HIVEP3: variants seen among roughly 807,000 people sequenced by gnomAD.
The protein encoded by HIVEP3 is HIVEP zinc finger 3.
In HIVEP3, 49 loss-of-function variants were observed where a neutral mutation model predicts 152.8. The ratio of observed to expected loss-of-function variants is 0.32; its 90% CI spans 0.26 to 0.41. HIVEP3 has a LOEUF of 0.41. Ranked by LOEUF, HIVEP3 falls within the 10% of genes least tolerant of loss-of-function variation. HIVEP3 has a pLI of 1.00. For synonymous variants in HIVEP3, 1,269 were observed against 1,289.0 expected (o/e 0.98, Z 0.33); for missense variants, 2,790 against 3,103.3 (o/e 0.90, Z 2.40).
At chr1:42,029,463 G>C (rs113202792) in intron 1 of HIVEP3, among the ~76,000 whole-genome samples, 3 of 152,230 alleles carry the variant, frequency 2.0e-5, no homozygotes, top group African/African-American at 7.2e-5. Context: ...TACCTAGAAG[G>C]GTTCTTGGGA....
chr1:41,591,547 G>A (rs775692945), intron 3 of HIVEP3, among the ~76,000 whole-genome samples: 1 of 151,902 alleles, frequency 6.6e-6, no homozygotes, highest in Non-Finnish European at 1.5e-5. Context: ...GATAATCATG[G>A]ATGAAAATCA....
At chr1:41,744,355 A>G (rs560505974) in intron 1 of HIVEP3, among the ~76,000 whole-genome samples, 217 of 152,320 alleles carry the variant, frequency 1.4e-3, no homozygotes, top group African/African-American at 5.1e-3. Context: ...GCCTTTTAAA[A>G]TTTATGTCAC....
chr1:42,017,463 G>A (rs940309979), intron 1 of HIVEP3, among the ~76,000 whole-genome samples: 3 of 151,930 alleles, frequency 2.0e-5, no homozygotes, highest in East Asian at 1.9e-4. Flanking sequence ...CTTAATTCCC[G>A]CTTCTAGTCA....
chr1:41,558,738 T>C (rs375757116), intron 5 of HIVEP3, among the ~76,000 whole-genome samples: 5 of 152,198 alleles, frequency 3.3e-5, no homozygotes, highest in African/African-American at 1.2e-4. Context: ...GTGCCCAGCC[T>C]ACCCTTGGCT....
chr1:41,589,111 C>T (rs10493101), intron 3 of HIVEP3, among the ~76,000 whole-genome samples: 1,925 of 152,276 alleles, frequency 0.013, 53 homozygotes, highest in African/African-American at 0.043. Context: ...TTAACACAAA[C>T]TTGAAGTGAT....
upstream of HIVEP3, among the ~76,000 whole-genome samples, chr1:41,920,588 TTTG>T (rs1553134914): frequency 7.2e-6 from 1 of 139,376 alleles, no homozygotes; most frequent in South Asian, 2.3e-4. Context: ...TTTTTTTTTT[TTTG>T]TTTTGTTTTT....
chr1:41,927,458 A>T (rs1322190272), intron 1 of HIVEP3, among the ~76,000 whole-genome samples: 1 of 152,216 alleles, frequency 6.6e-6, no homozygotes, highest in East Asian at 1.9e-4. Context: ...ATAGTGAATA[A>T]ACACCCCAAA....
intron 1 of HIVEP3, among the ~76,000 whole-genome samples, chr1:41,900,378 T>C (rs138152028): frequency 3.9e-5 from 6 of 152,208 alleles, no homozygotes; most frequent in Admixed American, 3.9e-4. Flanking sequence ...TATTCTCACA[T>C]CCAGTGGAGG....
At chr1:41,531,248 CA>C (rs946828708) in intron 5 of HIVEP3, among the ~76,000 whole-genome samples, 2 of 94,266 alleles carry the variant, frequency 2.1e-5, no homozygotes, top group African/African-American at 3.6e-5. Context: ...AGATGGAGGA[CA>C]GGGGAGATGG....
intron 1 of HIVEP3, among the ~76,000 whole-genome samples, chr1:42,013,348 C>T (rs1435556661): frequency 6.6e-6 from 1 of 152,212 alleles, no homozygotes; most frequent in Non-Finnish European, 1.5e-5. Flanking sequence ...AAGATTTCAA[C>T]ATCTGATTTT....
intron 1 of HIVEP3, among the ~76,000 whole-genome samples, chr1:41,744,556 G>C (rs1647043558): frequency 6.6e-6 from 1 of 152,106 alleles, no homozygotes; most frequent in Non-Finnish European, 1.5e-5. Flanking sequence ...GCTATGTTTT[G>C]GTATTTAATG....
At chr1:41,629,161 A>G (rs1364979237) in intron 2 of HIVEP3, among the ~76,000 whole-genome samples, 5 of 152,140 alleles carry the variant, frequency 3.3e-5, no homozygotes, top group Non-Finnish European at 7.3e-5. Flanking sequence ...GGTAGGCAGA[A>G]TTCTAAGATG....
intron 1 of HIVEP3, among the ~76,000 whole-genome samples, chr1:41,781,544 C>A (rs1450911597): frequency 1.3e-5 from 2 of 152,202 alleles, no homozygotes; most frequent in Non-Finnish European, 2.9e-5. Flanking sequence ...GCAACAATCT[C>A]CCTCTGGCCT....
chr1:41,903,002 A>G (rs1377934940), intron 1 of HIVEP3, among the ~76,000 whole-genome samples: 1 of 152,238 alleles, frequency 6.6e-6, no homozygotes, highest in Admixed American at 6.5e-5. Context: ...GTCAAAGCAT[A>G]AAAAACTGGA....
intron 1 of HIVEP3, among the ~76,000 whole-genome samples, chr1:41,864,155 T>C (rs1268438367): frequency 2.6e-5 from 4 of 152,166 alleles, no homozygotes; most frequent in Non-Finnish European, 4.4e-5. Flanking sequence ...GGGCTCAGGA[T>C]TGGGACAGGC....
At chr1:41,705,721 C>T (rs960624433) in intron 1 of HIVEP3, among the ~76,000 whole-genome samples, 4 of 152,160 alleles carry the variant, frequency 2.6e-5, no homozygotes, top group Non-Finnish European at 5.9e-5. Context: ...AACTTCAGAG[C>T]GTGCATCAAG....
At chr1:41,933,820 T>C (rs527280595) in intron 1 of HIVEP3, among the ~76,000 whole-genome samples, 1 of 152,186 alleles carries the variant, frequency 6.6e-6, no homozygotes, top group Non-Finnish European at 1.5e-5. Context: ...GATTAAGCTG[T>C]AGTCTTAGGC....
chr1:41,781,872 C>A (rs781314822), intron 1 of HIVEP3, among the ~76,000 whole-genome samples: 1 of 152,246 alleles, frequency 6.6e-6, no homozygotes, highest in Non-Finnish European at 1.5e-5. Flanking sequence ...TCTCCTGTCA[C>A]CTCCTGCTGT....
chr1:41,777,747 C>A lies in HIVEP3; in HGVS notation c.-800-76752G>T, dbSNP rs887182148. On this transcript the variant is annotated intron_variant, in intron 1 of 8. Coordinates refer to ENST00000372583, the MANE Select transcript of HIVEP3 (RefSeq NM_024503.5). ...TGCCAATTCTAAAAGCAAACATCTGCTGGGGGCTTCTTAGTATCAGGCGCT... is the reference window on the plus strand; with the variant it reads ...TGCCAATTCTAAAAGCAAACATCTGATGGGGGCTTCTTAGTATCAGGCGCT... Among the ~76,000 whole-genome samples, 5 of 152,252 alleles carry A rather than the reference C, an allele frequency of 3.3e-5. No homozygotes were observed. The East Asian group carries it at 7.7e-4, about 23-fold the overall frequency.
Sources: gnomAD v4.1 joint callset for allele counts (sites outside exome capture counted in the v4.1 genomes callset) on GRCh38, gnomAD v4.1.1 for gene constraint, MANE v1.5 for transcripts, NCBI Gene and HGNC (gene_info 2026-07-23, HGNC 2026-07-21) for gene names.